ACADM: variants seen among roughly 807,000 people sequenced by gnomAD.
ACADM encodes medium-chain specific acyl-CoA dehydrogenase, mitochondrial.
In ACADM, 49 loss-of-function variants were observed where a neutral mutation model predicts 58.9. The observed-to-expected ratio is 0.83, with a 90% CI of 0.66 to 1.06. The LOEUF is 1.06. ACADM is among the 50% of genes least tolerant of loss of function. ACADM has a pLI of 0.00. For missense variants in ACADM, 496 were observed against 507.0 expected (o/e 0.98, Z 0.21); for synonymous variants, 160 against 157.7 (o/e 1.01, Z -0.11).
At chr1:75,745,729 G>C in intron 7 of ACADM, 77 bp from the exon 8 acceptor site, 2 of 1,060,422 alleles carry the variant, frequency 1.9e-6, no homozygotes, top group Non-Finnish European at 1.5e-6. Flanking sequence ...GGATTGTTAA[G>C]AGAATTAACT....
intron 11 of ACADM, among the ~76,000 whole-genome samples, chr1:75,762,258 ATCTTTT>A (rs1557467694): frequency 6.6e-6 from 1 of 151,926 alleles, no homozygotes; most frequent in African/African-American, 2.4e-5. Flanking sequence ...TCCTTCCAGC[ATCTTTT>A]TCTTTAGCAA....
At chr1:75,741,644 C>G (rs1647573439) in intron 7 of ACADM, among the ~76,000 whole-genome samples, 1 of 152,098 alleles carries the variant, frequency 6.6e-6, no homozygotes, top group Non-Finnish European at 1.5e-5. Context: ...GTTCACTGTT[C>G]ATATAGTAAG....
chr1:75,743,133 T>A (rs1647671897), intron 7 of ACADM, among the ~76,000 whole-genome samples: 1 of 152,002 alleles, frequency 6.6e-6, no homozygotes, highest in Admixed American at 6.6e-5. Flanking sequence ...TGCAGAGAGC[T>A]GATGGAAGAA....
intron 9 of ACADM, 144 bp from the exon 10 acceptor site, chr1:75,750,307 C>T (rs1254361863): frequency 4.3e-5 from 30 of 702,314 alleles, no homozygotes; most frequent in Non-Finnish European, 6.9e-5. Context: ...TATAAACTTA[C>T]GTGCCTATTC....
intron 2 of ACADM, among the ~76,000 whole-genome samples, chr1:75,732,056 G>A (rs1174605412): frequency 3.3e-5 from 5 of 152,014 alleles, no homozygotes; most frequent in Non-Finnish European, 7.4e-5. Flanking sequence ...AGAAGCTGTG[G>A]TGGGAAGATC....
At chr1:75,744,916 CTTG>C (rs561401281) in intron 7 of ACADM, 60 of 343,488 alleles carry the variant, frequency 1.7e-4, no homozygotes, top group South Asian at 1.3e-3. Context: ...CATAGACTGT[CTTG>C]TTGTAATAAT....
intron 6 of ACADM, among the ~76,000 whole-genome samples, chr1:75,738,890 G>A (rs1647416275): frequency 6.6e-6 from 1 of 152,088 alleles, no homozygotes; most frequent in African/African-American, 2.4e-5. Flanking sequence ...CTTGTGTCTT[G>A]TCACTCCTCT....
rs1647023582 is a variant in ACADM at position 75,724,891 on chromosome 1, A to G, written c.30+74A>G. ...GTGTCGGAGCAGGGGGCCCTGGGCC[A>G]AAAATAGGTGCGGCCGGGAGGAGTG... On this transcript the variant is annotated intron_variant, in intron 1 of 11. Coordinates refer to ENST00000370841, the MANE Select transcript of ACADM (RefSeq NM_000016.6). 4 of 1,326,530 alleles carry G rather than the reference A, an allele frequency of 3.0e-6. No individual in the cohort carries two copies. The East Asian group carries it at 1.1e-4, about 37-fold the overall frequency. The allele number at this position is 1,326,530 out of a possible 1,614,324, so 82.2% of individuals were successfully genotyped here.
intron 10 of ACADM, among the ~76,000 whole-genome samples, chr1:75,760,623 A>T (rs1344428848): frequency 6.6e-6 from 1 of 151,028 alleles, no homozygotes; most frequent in East Asian, 1.9e-4. Context: ...TAAAATAACC[A>T]ATCAACATTC....
At chr1:75,740,551 C>T (rs776376835) in intron 7 of ACADM, among the ~76,000 whole-genome samples, 1 of 151,898 alleles carries the variant, frequency 6.6e-6, no homozygotes, top group Non-Finnish European at 1.5e-5. Context: ...CAGAATTTGA[C>T]TTTAATAAAA....
chr1:75,759,080 T>A (rs2100445696), intron 10 of ACADM, among the ~76,000 whole-genome samples: 1 of 152,188 alleles, frequency 6.6e-6, no homozygotes, highest in East Asian at 1.9e-4. Flanking sequence ...AGGAAGAAAC[T>A]CTGGACACAT....
intron 7 of ACADM, chr1:75,744,080 C>G: frequency 6.3e-7 from 1 of 1,587,974 alleles, no homozygotes; most frequent in South Asian, 1.1e-5. Context: ...CTGAGCAATG[C>G]ACTGCCGCAT....
At chr1:75,753,380 A>G (rs1036024748) in intron 10 of ACADM, among the ~76,000 whole-genome samples, 2 of 149,796 alleles carry the variant, frequency 1.3e-5, no homozygotes, top group African/African-American at 2.4e-5. Context: ...ATTCCTTTTT[A>G]GAGGCACTTA....
At position 75,733,582 on chromosome 1, in the gene ACADM, A is replaced by G; in HGVS notation, c.341A>G (p.Tyr114Cys). ...TGTTTAATTAGTGAAGAATTGGCTT[A>G]TGGATGTACAGGGGTTCAGACTGCT... is the stretch of plus-strand genomic sequence containing the variant. ...DACLISEELA[Y>C]GCTGVQTAIE... Residue 114 changes from tyrosine to cysteine, a missense_variant, in exon 5 of 12, where the codon TAT (tyrosine) becomes TGT (cysteine). Transcript: ENST00000370841. 6.2e-7 allele frequency: 1 copy of G among 1,614,124 alleles called. No individual in the cohort carries two copies. The highest frequency in any genetic ancestry group is 8.5e-7 in the Non-Finnish European group (1 of 1,180,006).
chr1:75,751,293 TCACGCCACTGCACTC>T (rs1412909304), intron 10 of ACADM, among the ~76,000 whole-genome samples: 1 of 151,100 alleles, frequency 6.6e-6, no homozygotes, highest in East Asian at 2.0e-4. Flanking sequence ...TGAGCCAAGA[TCACGCCACTGCACTC>T]CAGCCTGGGC....
rs202218503 is a variant in ACADM, at chr1:75,728,498, C to T, written c.118+10C>T. On this transcript the variant is annotated intron_variant, in intron 2 of 11. Transcript: ENST00000370841. ...TTAGGATTTAGTTTTGGTATATGTT[C>T]GGTTCTATCTTTTGACTTTAAACTT... 3.1e-5 allele frequency: 49 copies of T among 1,592,870 alleles called. No individual in the cohort carries two copies. Among genetic ancestry groups the T allele is most frequent in the Non-Finnish European group, 2.5e-5 (29 of 1,161,456 alleles).
At chr1:75,757,608 G>A (rs1648583486) in intron 10 of ACADM, among the ~76,000 whole-genome samples, 1 of 152,168 alleles carries the variant, frequency 6.6e-6, no homozygotes, top group African/African-American at 2.4e-5. Flanking sequence ...ACTGTTGGTG[G>A]GACTGTAAAC....
chr1:75,758,892 G>A (rs1250841616), intron 10 of ACADM, among the ~76,000 whole-genome samples: 1 of 152,212 alleles, frequency 6.6e-6, no homozygotes, highest in Non-Finnish European at 1.5e-5. Flanking sequence ...ACCCCAGCCT[G>A]CAGCGGCAAC....
chr1:75,754,209 GTTT>G (rs201392684), intron 10 of ACADM, among the ~76,000 whole-genome samples: 1 of 114,970 alleles, frequency 8.7e-6, no homozygotes, highest in African/African-American at 3.1e-5. Context: ...TCAGTTTTTT[GTTT>G]TTTTTTTTTT....
Sources: allele counts gnomAD v4.1 joint callset (sites outside exome capture counted in the v4.1 genomes callset), GRCh38; gene constraint gnomAD v4.1.1; transcripts MANE v1.5; gene names NCBI Gene and HGNC (gene_info 2026-07-23, HGNC 2026-07-21).